The following PPP1R12A variants were observed in gnomAD, a reference collection of about 807,000 sequenced individuals.
The protein encoded by PPP1R12A is protein phosphatase 1 regulatory subunit 12A.
In PPP1R12A, 19 loss-of-function variants were observed where a neutral mutation model predicts 139.6. The ratio of observed to expected loss-of-function variants is 0.14; its 90% CI spans 0.09 to 0.20. The LOEUF (loss-of-function observed/expected upper bound fraction) is 0.20, where lower values mean the gene tolerates loss of function less well. PPP1R12A is among the 10% of genes least tolerant of loss of function. PPP1R12A has a pLI of 1.00. For synonymous variants in PPP1R12A, 427 were observed against 420.6 expected, an observed-to-expected ratio of 1.02 and a Z score of -0.19; for missense variants, 925 against 1,211.5, an observed-to-expected ratio of 0.76 and a Z score of 3.51.
chr12:79,878,054 T>TG (rs1883284399), intron 1 of PPP1R12A, among the ~76,000 whole-genome samples: 3 of 152,114 alleles, frequency 2.0e-5, no homozygotes, highest in African/African-American at 7.2e-5. Flanking sequence ...GTTTTTTTTT[T>TG]GTTTGTTTTG....
chr12:79,934,960 C>A lies in PPP1R12A; in HGVS notation c.-29G>T, dbSNP rs905650399. On this transcript the variant is annotated 5_prime_UTR_variant, in exon 1 of 25. Coordinates refer to ENST00000450142, the MANE Select transcript of PPP1R12A (RefSeq NM_002480.3). Reference sequence around the variant, plus strand: ...CTCTCCTGCCGCCGGGTCTTCTTATCGCGAGGGGGGGAAGGGGGAGGCGGA... The same window carrying A: ...CTCTCCTGCCGCCGGGTCTTCTTATAGCGAGGGGGGGAAGGGGGAGGCGGA... 1 of 1,555,100 alleles carries A rather than the reference C, an allele frequency of 6.4e-7. No individual in the cohort carries two copies. Among genetic ancestry groups the A allele is most frequent in the Non-Finnish European group, 8.7e-7 (1 of 1,147,816 alleles).
chr12:79,912,315 A>G (rs1172410785), intron 1 of PPP1R12A, among the ~76,000 whole-genome samples: 2 of 152,198 alleles, frequency 1.3e-5, no homozygotes, highest in East Asian at 3.8e-4. Context: ...TAATGAGAAG[A>G]GGGTCTTGTT....
intron 4 of PPP1R12A, among the ~76,000 whole-genome samples, chr12:79,830,140 ACT>A (rs1385072699): frequency 1.3e-5 from 2 of 152,080 alleles, no homozygotes; most frequent in East Asian, 1.9e-4. Flanking sequence ...TAGGGACATC[ACT>A]CTCTCACCGC....
At chr12:79,841,538 A>T (rs891866999) in intron 3 of PPP1R12A, among the ~76,000 whole-genome samples, 1 of 152,178 alleles carries the variant, frequency 6.6e-6, no homozygotes, top group Non-Finnish European at 1.5e-5. Flanking sequence ...GAATCATTAA[A>T]ACTAAAATCA....
chr12:79,843,780 T>C (rs944521091), intron 3 of PPP1R12A, among the ~76,000 whole-genome samples: 155 of 151,532 alleles, frequency 1.0e-3, no homozygotes, highest in African/African-American at 3.5e-3. Context: ...CTCAGCTCAC[T>C]GCGACCTCCG....
At chr12:79,878,979 C>A (rs1418975221) in intron 1 of PPP1R12A, among the ~76,000 whole-genome samples, 2 of 152,180 alleles carry the variant, frequency 1.3e-5, no homozygotes, top group Non-Finnish European at 2.9e-5. Flanking sequence ...CTTTTATTTT[C>A]TTCCTTAATT....
intron 1 of PPP1R12A, among the ~76,000 whole-genome samples, chr12:79,886,286 A>T (rs1565797633): frequency 6.6e-6 from 1 of 152,210 alleles, no homozygotes; most frequent in Non-Finnish European, 1.5e-5. Flanking sequence ...AGAAAAACCT[A>T]GCTCTTGCAT....
chr12:79,846,502 T>G (rs1879415976), intron 2 of PPP1R12A, among the ~76,000 whole-genome samples: 1 of 151,814 alleles, frequency 6.6e-6, no homozygotes, highest in African/African-American at 2.4e-5. Flanking sequence ...TAATCTCTGC[T>G]CACTGCAAGC....
chr12:79,795,282 TATA>T (rs1057442603), intron 18 of PPP1R12A, among the ~76,000 whole-genome samples: 5 of 151,994 alleles, frequency 3.3e-5, no homozygotes, highest in Admixed American at 2.0e-4. Flanking sequence ...ATGTAGATCT[TATA>T]ATGATATTTA....
intron 5 of PPP1R12A, among the ~76,000 whole-genome samples, chr12:79,824,285 TTTAAGA>T (rs568577544): frequency 1.6e-4 from 25 of 152,328 alleles, no homozygotes; most frequent in African/African-American, 6.0e-4. Context: ...GTAAAGTGTG[TTTAAGA>T]TTATGTTATG....
intron 2 of PPP1R12A, among the ~76,000 whole-genome samples, chr12:79,863,078 G>C (rs935882346): frequency 6.6e-6 from 1 of 152,112 alleles, no homozygotes; most frequent in Non-Finnish European, 1.5e-5. Flanking sequence ...GAAAGGCTGG[G>C]TTACCCACAA....
intron 9 of PPP1R12A, among the ~76,000 whole-genome samples, chr12:79,811,758 C>A (rs891021560): frequency 9.9e-5 from 15 of 152,084 alleles, no homozygotes; most frequent in Admixed American, 9.8e-4. Context: ...TTTCTCCAAC[C>A]AGTTTGCTAT....
chr12:79,894,771 T>C (rs1270015762), intron 1 of PPP1R12A, among the ~76,000 whole-genome samples: 1 of 152,236 alleles, frequency 6.6e-6, no homozygotes, highest in African/African-American at 2.4e-5. Flanking sequence ...CATCAGTTAT[T>C]ACACTCTGCT....
chr12:79,807,410 T>A, intron 11 of PPP1R12A, 80 bp from the exon 12 acceptor site: 1 of 862,288 alleles, frequency 1.2e-6, no homozygotes, highest in Non-Finnish European at 1.8e-6. Context: ...TAAATATTAG[T>A]ATAAGCTGAA....
intron 1 of PPP1R12A, among the ~76,000 whole-genome samples, chr12:79,886,021 T>C (rs1184264981): frequency 2.0e-5 from 3 of 152,104 alleles, no homozygotes. Flanking sequence ...TTTATGACTC[T>C]TACGACAAGC....
At chr12:79,906,317 C>A (rs1012052611) in intron 1 of PPP1R12A, among the ~76,000 whole-genome samples, 3 of 151,726 alleles carry the variant, frequency 2.0e-5, no homozygotes, top group Non-Finnish European at 4.4e-5. Context: ...CACAAATATA[C>A]AAAATACATT....
intron 1 of PPP1R12A, among the ~76,000 whole-genome samples, chr12:79,877,226 G>A (rs1171353618): frequency 6.6e-6 from 1 of 152,124 alleles, no homozygotes; most frequent in Non-Finnish European, 1.5e-5. Context: ...CTTCCCTCTA[G>A]AACAAGTTAT....
intron 14 of PPP1R12A, among the ~76,000 whole-genome samples, chr12:79,802,434 AG>A (rs1266381726): frequency 6.6e-6 from 1 of 152,198 alleles, no homozygotes; most frequent in Admixed American, 6.5e-5. Context: ...CCAAAGGAAG[AG>A]AAGAAAAAAT....
In PPP1R12A at chr12:79,934,852, G is replaced by T; in HGVS notation, c.80C>A (p.Pro27Gln). 1 of 1,611,706 alleles carries T rather than the reference G, an allele frequency of 6.2e-7. No individual in the cohort carries two copies. The highest frequency in any genetic ancestry group is 1.3e-5 in the African/African-American group (1 of 75,020). ...WIGSETDLEP[P>Q]VVKRQKTKVK... ...CTTGGTCTTCTGGCGCTTCACCACC[G>T]GAGGCTCGAGGTCCGTCTCGGAGCC... The change falls in exon 1 of 25, where the codon CCG becomes CAG. Residue 27 changes from proline to glutamine, a missense_variant. By Grantham distance (76) the Pro-to-Gln change is moderately conservative. Around this residue, in one of 4 missense-constraint regions of PPP1R12A, gnomAD observed 199 missense variants for 352.4 expected, o/e 0.56. Transcript: ENST00000450142.
Sources: allele counts gnomAD v4.1 joint callset (sites outside exome capture counted in the v4.1 genomes callset), GRCh38; gene constraint gnomAD v4.1.1; regional missense constraint gnomAD v4.1.1; transcripts MANE v1.5; gene names NCBI Gene and HGNC (gene_info 2026-07-23, HGNC 2026-07-21).